Variants in YY1AP1 observed in about 807,000 individuals in gnomAD.
YY1AP1 encodes the protein YY1 associated protein 1.
A neutral mutation model predicts 39.9 loss-of-function variants in YY1AP1; 43 were observed. The ratio of observed to expected loss-of-function variants is 1.08; its 90% CI spans 0.84 to 1.39. The LOEUF (loss-of-function observed/expected upper bound fraction) is 1.39. YY1AP1 is among the 40% of genes most tolerant of loss of function. YY1AP1 has a pLI of 0.00. For synonymous variants in YY1AP1, 292 were observed against 331.3 expected, an observed-to-expected ratio of 0.88 and a Z score of 1.29; for missense variants, 813 against 900.7, an observed-to-expected ratio of 0.90 and a Z score of 1.25.
rs372787323 is a variant in YY1AP1 at position 155,676,674 on chromosome 1, C to A, written c.198G>T (p.Lys66Asn). 5.0e-6 allele frequency: 8 copies of A among 1,614,066 alleles called. No individual in the cohort carries two copies. Among genetic ancestry groups the A allele is most frequent in the Middle Eastern group, 1.6e-4 (1 of 6,084 alleles). The change falls in exon 5 of 11, where the codon AAG (lysine) becomes AAT (asparagine). Residue 66 changes from lysine (K) to asparagine (N), a missense_variant. By Grantham distance (94) the Lys-to-Asn change is moderately conservative. Transcript: ENST00000355499. The stretch of plus-strand genomic sequence containing the variant: ...GCTGTTTGGCTGAAGGTTTCTTCAT[C>A]TTCAGCTGTTCAAATAGTTCCTTCG... ...QIAKELFEQL[K>N]MKKPSAKQQK...
intron 4 of YY1AP1, 81 bp from the exon 5 acceptor site, chr1:155,676,827 A>C: frequency 1.4e-6 from 2 of 1,409,578 alleles, no homozygotes; most frequent in Non-Finnish European, 2.0e-6. Flanking sequence ...ATGAGCAAAG[A>C]GCCTGAACAA....
intron 3 of YY1AP1, chr1:155,680,069 C>T (rs1033696616): frequency 2.5e-5 from 6 of 242,194 alleles, no homozygotes; most frequent in Non-Finnish European, 4.8e-5. Context: ...CCCAGCTACT[C>T]AGGAGGCTTA....
rs1283375885 is a variant in YY1AP1, at chr1:155,661,441, G to T, written c.880-18C>A. ...TTATAAAACTTAACATGAAAAAAAT[G>T]CGCATGAATTACATTCCTTCTGGAA... On this transcript the variant is annotated intron_variant, in intron 9 of 10. Coordinates refer to ENST00000355499, the MANE Select transcript of YY1AP1 (RefSeq NM_139119.3). 1.9e-6 allele frequency: 3 copies of T among 1,613,404 alleles called. No homozygotes were observed. The Admixed American group carries it at 5.0e-5, about 27-fold the overall frequency.
At chr1:155,665,875 G>A (rs945455364) in intron 9 of YY1AP1, among the ~76,000 whole-genome samples, 5 of 151,666 alleles carry the variant, frequency 3.3e-5, no homozygotes, top group African/African-American at 1.2e-4. Flanking sequence ...GAGGCAAAAG[G>A]AATTCCTGGG....
intron 7 of YY1AP1, chr1:155,670,673 G>GA: frequency 4.6e-6 from 2 of 436,934 alleles, no homozygotes. Flanking sequence ...AATAAAAGTT[G>GA]ACTTTTTTTT....
rs556806116 is a variant in YY1AP1, at chr1:155,660,140, G to A, written c.1770C>T (p.Ile590=). The change falls in exon 11 of 11, where the codon ATC becomes ATT. Residue 590 remains isoleucine (I), a synonymous_variant. Transcript: ENST00000355499. Reference sequence around the variant, plus strand: ...AAGTAGGGTTAACCAAGAGGGTGGCGATGGGAATAGTCTGGGGACTCTGGG... The same window carrying A: ...AAGTAGGGTTAACCAAGAGGGTGGCAATGGGAATAGTCTGGGGACTCTGGG... ...AVAQSPQTIP[I]ATLLVNPTSF... 8.9e-5 allele frequency: 143 copies of A among 1,614,182 alleles called. 1 individual carries two copies. The highest frequency in any genetic ancestry group is 5.6e-4 in the East Asian group (25 of 44,878).
At chr1:155,674,026 T>C (rs1262471555) in intron 6 of YY1AP1, among the ~76,000 whole-genome samples, 1 of 151,534 alleles carries the variant, frequency 6.6e-6, no homozygotes, top group Non-Finnish European at 1.5e-5. Flanking sequence ...CCGGGCATAG[T>C]GGCGGGTGCC....
rs1282435509 is a variant in YY1AP1 at position 155,671,954 on chromosome 1, A to G, written c.583+606T>C. ...AACTAATTTGCTAAGTCAGCAAACA[A>G]ATCAGAAGTAAATATTTGGCTTAAG... On this transcript the variant is annotated intron_variant, in intron 7 of 10. Transcript: ENST00000355499. Among the ~76,000 whole-genome samples, 3 of 152,242 alleles carry G rather than the reference A, an allele frequency of 2.0e-5. 1 individual carries two copies. The highest frequency in any genetic ancestry group is 1.5e-5 in the Non-Finnish European group (1 of 68,044).
chr1:155,679,891 C>T (rs1418618729), intron 3 of YY1AP1: 6 of 761,960 alleles, frequency 7.9e-6, no homozygotes, highest in Non-Finnish European at 1.0e-5. Context: ...GGGAAGCCAT[C>T]AAAAGTTTTC....
chr1:155,688,282 C>T (rs768896723), intron 1 of YY1AP1, 81 bp from the exon 2 acceptor site: 3 of 1,586,506 alleles, frequency 1.9e-6, no homozygotes, highest in Non-Finnish European at 2.6e-6. Flanking sequence ...CCGCAACCGA[C>T]ACTGGGATCG....
rs1246742656 is a variant in YY1AP1 at position 155,688,137 on chromosome 1, T to A, written c.-87A>T. The stretch of plus-strand genomic sequence containing the variant: ...GAAGAGGGGGTGGCCGCCAGGCTCC[T>A]CCGCTTCCCTGGGTCCACCGCGGAT... On this transcript the variant is annotated 5_prime_UTR_variant, in exon 2 of 11. Coordinates refer to ENST00000355499, the MANE Select transcript of YY1AP1 (RefSeq NM_139119.3). 1 of 1,612,756 alleles carries A rather than the reference T, an allele frequency of 6.2e-7. No individual in the cohort carries two copies. Among genetic ancestry groups the A allele is most frequent in the African/African-American group, 1.3e-5 (1 of 74,930 alleles).
intron 9 of YY1AP1, among the ~76,000 whole-genome samples, chr1:155,665,784 CA>C (rs58155011): frequency 0.099 from 3,477 of 34,980 alleles, 74 homozygotes; most frequent in African/African-American, 0.25. Flanking sequence ...CTCTGTGTCT[CA>C]AAAAAAAAAA....
At chr1:155,677,720 G>C (rs999948386) in intron 4 of YY1AP1, among the ~76,000 whole-genome samples, 5 of 152,206 alleles carry the variant, frequency 3.3e-5, no homozygotes, top group Non-Finnish European at 7.4e-5. Flanking sequence ...CCGTGGGACT[G>C]TCTATACAAT....
In YY1AP1 at chr1:155,664,768, A is replaced by AT. The variant is rs576047659; in HGVS notation, c.880-3346dup. Among the ~76,000 whole-genome samples the AT allele has an allele frequency of 3.8e-3, 522 of 137,814 alleles. 4 individuals carry two copies. The highest frequency in any genetic ancestry group is 5.4e-3 in the African/African-American group (203 of 37,602). 90.4% of individuals were successfully genotyped at this position (137,814 alleles called of 152,430 possible). ...TACAATCAAAAGACCATGAATGGAG[A>AT]TTTTTTTTTTTTTTTTTTTAATACG... On this transcript the variant is annotated intron_variant, in intron 9 of 10. Coordinates refer to ENST00000355499, the MANE Select transcript of YY1AP1 (RefSeq NM_139119.3).
At chr1:155,679,658 C>G in intron 3 of YY1AP1, 146 bp from the exon 4 acceptor site, 1 of 1,524,774 alleles carries the variant, frequency 6.6e-7, no homozygotes, top group Non-Finnish European at 8.8e-7. Flanking sequence ...TTTCTCACTT[C>G]AGGACTCCTA....
intron 9 of YY1AP1, among the ~76,000 whole-genome samples, chr1:155,662,821 C>T (rs1213644562): frequency 2.9e-4 from 44 of 150,744 alleles, no homozygotes; most frequent in Non-Finnish European, 1.5e-5. Context: ...GCCAACATGG[C>T]GAAACCCTGT....
intron 4 of YY1AP1, chr1:155,679,207 A>G: frequency 6.6e-7 from 1 of 1,515,886 alleles, no homozygotes; most frequent in East Asian, 2.6e-5. Context: ...CCCTTCCCAA[A>G]CAGATACAGC....
At position 155,667,580 on chromosome 1, in the gene YY1AP1, T is replaced by C. The variant is rs550490472; in HGVS notation, c.879+1047A>G. ...GGCTCACATTTGTAATCCCAGCACTTAGGGAGGCCGAGGCAGATGGATCAC... is the reference window on the plus strand; with the variant it reads ...GGCTCACATTTGTAATCCCAGCACTCAGGGAGGCCGAGGCAGATGGATCAC... On this transcript the variant is annotated intron_variant, in intron 9 of 10. Transcript: ENST00000355499. Among the ~76,000 whole-genome samples the C allele has an allele frequency of 1.5e-4, 23 of 151,346 alleles. 1 individual carries two copies. Among genetic ancestry groups the C allele is most frequent in the Non-Finnish European group, 2.8e-4 (19 of 67,846 alleles).
At chr1:155,676,019 C>G (rs1437672752) in intron 5 of YY1AP1, among the ~76,000 whole-genome samples, 1 of 152,026 alleles carries the variant, frequency 6.6e-6, no homozygotes, top group Non-Finnish European at 1.5e-5. Context: ...GTTAGGAGAT[C>G]GAGACCATCC....
Sources: gnomAD v4.1 joint callset for allele counts (sites outside exome capture counted in the v4.1 genomes callset) on GRCh38, gnomAD v4.1.1 for gene constraint, MANE v1.5 for transcripts, NCBI Gene and HGNC (gene_info 2026-07-23, HGNC 2026-07-21) for gene names.